RHOBTB3: variants seen among roughly 807,000 people sequenced by gnomAD.
RHOBTB3 encodes the protein Rho related BTB domain containing 3, also known as rho-related BTB domain-containing protein 3.
A neutral mutation model predicts 67.2 loss-of-function variants in RHOBTB3; 47 were observed. The observed-to-expected ratio is 0.70, with a 90% CI of 0.55 to 0.89. The LOEUF (loss-of-function observed/expected upper bound fraction) is 0.89. RHOBTB3 is among the 40% of genes least tolerant of loss of function. RHOBTB3 has a pLI of 0.00. For missense variants in RHOBTB3, 631 were observed against 750.0 expected (o/e 0.84, Z 1.85); for synonymous variants, 273 against 274.2 (o/e 1.00, Z 0.04).
At position 95,747,747 on chromosome 5, in the gene RHOBTB3, C is replaced by A. The variant is rs139850384; in HGVS notation, c.416-586C>A. On this transcript the variant is annotated intron_variant, in intron 3 of 11. Coordinates refer to ENST00000379982, the MANE Select transcript of RHOBTB3 (RefSeq NM_014899.4). ...AAGATAAAGAATGATTGAACTTGTT[C>A]TCTGAAGTCAAATGCGTTAGAGTTT... Among the ~76,000 whole-genome samples, 124 of 152,240 alleles carry A rather than the reference C, an allele frequency of 8.1e-4. 1 individual carries two copies. The highest frequency in any genetic ancestry group is 2.6e-3 in the African/African-American group (106 of 41,542).
At chr5:95,747,873 CTG>C (rs1336886683) in intron 3 of RHOBTB3, among the ~76,000 whole-genome samples, 2 of 152,150 alleles carry the variant, frequency 1.3e-5, no homozygotes, top group Non-Finnish European at 2.9e-5. Flanking sequence ...ATTGAAGGTT[CTG>C]TTACAATAGA....
At chr5:95,758,453 G>GTGA (rs1271341246) in intron 6 of RHOBTB3, among the ~76,000 whole-genome samples, 1 of 152,200 alleles carries the variant, frequency 6.6e-6, no homozygotes, top group Non-Finnish European at 1.5e-5. Context: ...AGAGTGAAAG[G>GTGA]TGATGGCTGG....
intron 7 of RHOBTB3, among the ~76,000 whole-genome samples, chr5:95,764,830 T>C (rs946111269): frequency 1.2e-4 from 19 of 152,184 alleles, no homozygotes; most frequent in African/African-American, 4.3e-4. Context: ...GAGAAAATAG[T>C]CTTTTTTGTA....
chr5:95,741,501 TC>T (rs1427700262), intron 3 of RHOBTB3, among the ~76,000 whole-genome samples: 1 of 110,574 alleles, frequency 9.0e-6, no homozygotes, highest in African/African-American at 3.1e-5. Flanking sequence ...CTCTCAATTC[TC>T]TTTTTTTTTT....
intron 8 of RHOBTB3, chr5:95,770,220 G>C (rs966409270): frequency 1.0e-5 from 3 of 300,090 alleles, no homozygotes; most frequent in South Asian, 4.1e-5. Flanking sequence ...CTGTGCTGAA[G>C]GTTGGTGTAA....
chr5:95,782,809 C>CAAAAAAAAAAAAAAA (rs5869692), intron 9 of RHOBTB3: 1 of 99,112 alleles, frequency 1.0e-5, no homozygotes, highest in South Asian at 3.9e-4. Context: ...GACTCCATCT[C>CAAAAAAAAAAAAAAA]AAAAAAAAAA....
intron 2 of RHOBTB3, among the ~76,000 whole-genome samples, chr5:95,736,517 G>C (rs902196501): frequency 6.6e-6 from 1 of 152,150 alleles, no homozygotes; most frequent in African/African-American, 2.4e-5. Flanking sequence ...TTGAAGCTTC[G>C]TTACTCATAC....
chr5:95,735,615 G>A lies in RHOBTB3; in HGVS notation c.229-1274G>A, dbSNP rs10076138. Reference sequence around the variant, plus strand: ...CTTTTGGACCTGTTAGTCAGACCTAGCTATTTTCTTAATCTAGCTTTATTA... The same window carrying A: ...CTTTTGGACCTGTTAGTCAGACCTAACTATTTTCTTAATCTAGCTTTATTA... On this transcript the variant is annotated intron_variant, in intron 2 of 11. Coordinates refer to ENST00000379982, the MANE Select transcript of RHOBTB3 (RefSeq NM_014899.4). Among the ~76,000 whole-genome samples, 838 of 152,240 alleles carry A rather than the reference G, an allele frequency of 5.5e-3. 9 individuals carry two copies. The highest frequency in any genetic ancestry group is 0.019 in the African/African-American group (809 of 41,538).
Position 95,794,435 on chromosome 5 carries a change from G to C in RHOBTB3, c.*1261G>C. ...AAGGACTGCAAGATTATTTGATAAA[G>C]AGTAGCATGAATCTTGTGCTCTAAT... is the stretch of plus-strand genomic sequence containing the variant. On this transcript the variant is annotated 3_prime_UTR_variant, in exon 12 of 12. Transcript: ENST00000379982. The C allele has an allele frequency of 5.9e-6, 1 of 169,494 alleles. No homozygotes were observed. Among genetic ancestry groups the C allele is most frequent in the Admixed American group, 5.6e-5 (1 of 17,916 alleles). 10.5% of individuals were successfully genotyped at this position (169,494 alleles called of 1,614,324 possible).
chr5:95,756,366 TGTA>T (rs1464988898), intron 6 of RHOBTB3, among the ~76,000 whole-genome samples: 1 of 152,248 alleles, frequency 6.6e-6, no homozygotes, highest in African/African-American at 2.4e-5. Flanking sequence ...GATAATATTC[TGTA>T]GTACATATAG....
intron 3 of RHOBTB3, among the ~76,000 whole-genome samples, chr5:95,737,970 A>G (rs921142736): frequency 3.9e-5 from 6 of 152,254 alleles, no homozygotes; most frequent in African/African-American, 7.2e-5. Flanking sequence ...AAATGAAATT[A>G]TATGGTATGT....
intron 7 of RHOBTB3, chr5:95,767,698 A>G (rs779688200): frequency 6.4e-6 from 4 of 626,678 alleles, no homozygotes; most frequent in East Asian, 2.8e-5. Context: ...TGTACATGTA[A>G]ACATATTTTA....
chr5:95,740,534 T>G (rs1403255519), intron 3 of RHOBTB3, among the ~76,000 whole-genome samples: 1 of 152,234 alleles, frequency 6.6e-6, no homozygotes, highest in East Asian at 1.9e-4. Flanking sequence ...TATCTTAGTT[T>G]GCAAATTTTA....
At chr5:95,789,032 CATAAG>C in intron 11 of RHOBTB3, 174 bp downstream of exon 11, 1 of 520,200 alleles carries the variant, frequency 1.9e-6, no homozygotes, top group South Asian at 2.7e-5. Context: ...ACCTGTGTTA[CATAAG>C]TGCCTTAACC....
chr5:95,768,364 A>G (rs926832582), intron 8 of RHOBTB3, among the ~76,000 whole-genome samples, 198 bp downstream of exon 8: 1 of 152,182 alleles, frequency 6.6e-6, no homozygotes, highest in Non-Finnish European at 1.5e-5. Context: ...AAATAAATTT[A>G]TATTTCCCTT....
chr5:95,747,035 A>G (rs1744935174), intron 3 of RHOBTB3, among the ~76,000 whole-genome samples: 1 of 152,150 alleles, frequency 6.6e-6, no homozygotes. Flanking sequence ...GGGCCAGTGT[A>G]CTTACTCCCT....
chr5:95,752,749 A>T (rs1745125812), intron 5 of RHOBTB3, among the ~76,000 whole-genome samples: 1 of 152,156 alleles, frequency 6.6e-6, no homozygotes, highest in Non-Finnish European at 1.5e-5. Context: ...TGGAAATTAG[A>T]TTATATCATG....
In RHOBTB3 at chr5:95,790,117, G is replaced by GAA. The variant is rs575916272; in HGVS notation, c.1720+1260_1720+1261insAA. Among the ~76,000 whole-genome samples the GAA allele has an allele frequency of 2.2e-3, 332 of 152,326 alleles. 1 individual carries two copies. The highest frequency in any genetic ancestry group is 4.0e-3 in the Admixed American group (61 of 15,296). On this transcript the variant is annotated intron_variant, in intron 11 of 11. Coordinates refer to ENST00000379982, the MANE Select transcript of RHOBTB3 (RefSeq NM_014899.4). ...TCAACAAACATTATATGTCTATTAG[G>GAA]AGCCTCCTTATATAAGTCAACTATT...
At chr5:95,773,063 C>A (rs1745764317) in intron 8 of RHOBTB3, among the ~76,000 whole-genome samples, 2 of 152,182 alleles carry the variant, frequency 1.3e-5, no homozygotes, top group South Asian at 4.1e-4. Context: ...TGGTATCAAA[C>A]ATTATGTTAG....
Sources: gnomAD v4.1 joint callset for allele counts (sites outside exome capture counted in the v4.1 genomes callset) on GRCh38, gnomAD v4.1.1 for gene constraint, MANE v1.5 for transcripts, NCBI Gene and HGNC (gene_info 2026-07-23, HGNC 2026-07-21) for gene names.